The following RSPH1 variants were observed in gnomAD, a reference collection of about 807,000 sequenced individuals.
The protein encoded by RSPH1 is radial spoke head 1 homolog.
A neutral mutation model predicts 44.2 loss-of-function variants in RSPH1; 32 were observed. The observed-to-expected ratio is 0.72, with a 90% CI of 0.55 to 0.97. The LOEUF (loss-of-function observed/expected upper bound fraction) is 0.97. Ranked by LOEUF, RSPH1 falls within the 50% of genes least tolerant of loss-of-function variation. The probability of loss-of-function intolerance (pLI) is 0.00; values close to 1 mark genes in which losing one functional copy is unlikely to be tolerated. For missense variants in RSPH1, 391 were observed against 398.7 expected (o/e 0.98, Z 0.16); for synonymous variants, 134 against 147.3 (o/e 0.91, Z 0.65).
At chr21:42,496,102 T>C in intron 1 of RSPH1, 31 bp downstream of exon 1, 1 of 1,613,322 alleles carries the variant, frequency 6.2e-7, no homozygotes. Context: ...CTGCGCACCC[T>C]GGGAAGCCCT....
At chr21:42,493,211 C>T in intron 1 of RSPH1, 132 bp from the exon 2 acceptor site, 1 of 759,692 alleles carries the variant, frequency 1.3e-6, no homozygotes, top group African/African-American at 1.7e-5. Flanking sequence ...TCAATTGTCC[C>T]ACCTTTCCCA....
intron 3 of RSPH1, among the ~76,000 whole-genome samples, chr21:42,488,351 C>A (rs139970124): frequency 6.6e-6 from 1 of 152,056 alleles, no homozygotes; most frequent in Admixed American, 6.5e-5. Flanking sequence ...ATACTCACAC[C>A]GCGGCCAATT....
rs2054025676 is a variant in RSPH1 at position 42,474,717 on chromosome 21, C to T, written c.877+1181G>A. Among the ~76,000 whole-genome samples, 1 of 149,458 alleles carries T rather than the reference C, an allele frequency of 6.7e-6. No homozygotes were observed. The highest frequency in any genetic ancestry group is 2.6e-5 in the African/African-American group (1 of 38,908). The stretch of plus-strand genomic sequence containing the variant: ...CTCACTTGTAAAGCCAGGTTTCCAC[C>T]TGACCCCACGTCCCACCTCAGCACT... On this transcript the variant is annotated intron_variant, in intron 8 of 8. Coordinates refer to ENST00000291536, the MANE Select transcript of RSPH1 (RefSeq NM_080860.4). This position sits in a 1 kb window ranked among gnomAD's most constrained non-coding sequence, Gnocchi z 5.2.
Position 42,474,767 on chromosome 21 carries a change from C to A in RSPH1, c.877+1131G>T, listed in dbSNP as rs1005394258. ...TGCGTCACTGGGTGCATTGCTACAG[C>A]GCTCAGGGGAATTACCGATCACGAA... is the stretch of plus-strand genomic sequence containing the variant. On this transcript the variant is annotated intron_variant, in intron 8 of 8. Transcript: ENST00000291536. The surrounding 1 kb of genome is among the most constrained non-coding windows in gnomAD (Gnocchi z 5.2). Among the ~76,000 whole-genome samples, 1 of 148,086 alleles carries A rather than the reference C, an allele frequency of 6.8e-6. No homozygotes were observed. Among genetic ancestry groups the A allele is most frequent in the Admixed American group, 6.7e-5 (1 of 15,020 alleles).
chr21:42,472,611 G>C lies in RSPH1; in HGVS notation c.*207C>G. On this transcript the variant is annotated 3_prime_UTR_variant, in exon 9 of 9. Coordinates refer to ENST00000291536, the MANE Select transcript of RSPH1 (RefSeq NM_080860.4). ...TAACTGACAGAAGCATTTTGTTTTT[G>C]TTTATTTTTTGAGACAGGGTCTCGC... The C allele has an allele frequency of 2.4e-6, 1 of 419,090 alleles. No individual in the cohort carries two copies. The highest frequency in any genetic ancestry group is 5.5e-5 in the South Asian group (1 of 18,248). 26.0% of individuals were successfully genotyped at this position (419,090 alleles called of 1,614,324 possible). A position where few individuals can be genotyped will look rare whatever the true frequency, so the allele number is the denominator to read the frequency against.
intron 6 of RSPH1, 95 bp downstream of exon 6, chr21:42,482,542 T>G: frequency 1.2e-6 from 1 of 859,314 alleles, no homozygotes; most frequent in South Asian, 1.6e-5. Context: ...TTGGCATAAC[T>G]TTTAGGCGAA....
intron 1 of RSPH1, among the ~76,000 whole-genome samples, chr21:42,493,502 T>C (rs1172858891): frequency 6.6e-6 from 1 of 152,190 alleles, no homozygotes; most frequent in Non-Finnish European, 1.5e-5. Context: ...CCTTCAGTAA[T>C]CCAGGATTTC....
At chr21:42,496,052 C>G in intron 1 of RSPH1, 81 bp downstream of exon 1, 1 of 1,518,258 alleles carries the variant, frequency 6.6e-7, no homozygotes, top group Non-Finnish European at 9.1e-7. Flanking sequence ...GTTTCTGCGC[C>G]TCCTCACTCT....
In RSPH1 at chr21:42,477,425, T is replaced by A. The variant is rs1177354773; in HGVS notation, c.593A>T (p.Glu198Val). ...LTDMERGEEE[E>V]EEELVTVVPK... The stretch of plus-strand genomic sequence containing the variant: ...AACAACAGTTACTAATTCTTCCTCC[T>A]CTTCCTCTTCTCCTCTTTCCTATTT... The change falls in exon 7 of 9, where the codon GAG becomes GTG. Residue 198 changes from glutamate (E) to valine (V), a missense_variant. Glu to Val is a moderately radical substitution (Grantham distance 121). Transcript: ENST00000291536. 6.2e-7 allele frequency: 1 copy of A among 1,614,068 alleles called. No individual in the cohort carries two copies. The highest frequency in any genetic ancestry group is 1.1e-5 in the South Asian group (1 of 91,080).
At chr21:42,486,545 C>T (rs1422836503) in intron 3 of RSPH1, 84 bp from the exon 4 acceptor site, 7 of 980,222 alleles carry the variant, frequency 7.1e-6, no homozygotes, top group Non-Finnish European at 1.2e-5. Flanking sequence ...TTAACCATGG[C>T]AAAGGCAGAT....
In RSPH1 at chr21:42,474,912, G is replaced by A. The variant is rs939057436; in HGVS notation, c.877+986C>T. ...TCAGGTATTATTTTCAAAGGAATGGGAAGTATATTCTTAATTTACAACAGA... is the reference window on the plus strand; with the variant it reads ...TCAGGTATTATTTTCAAAGGAATGGAAAGTATATTCTTAATTTACAACAGA... On this transcript the variant is annotated intron_variant, in intron 8 of 8. Coordinates refer to ENST00000291536, the MANE Select transcript of RSPH1 (RefSeq NM_080860.4). The surrounding 1 kb of genome is among the most constrained non-coding windows in gnomAD (Gnocchi z 5.2). Among the ~76,000 whole-genome samples the A allele has an allele frequency of 7.9e-5, 12 of 152,028 alleles. No homozygotes were observed. The highest frequency in any genetic ancestry group is 2.2e-4 in the African/African-American group (9 of 41,268).
intron 6 of RSPH1, 62 bp downstream of exon 6, chr21:42,482,575 A>G (rs1015524961): frequency 1.6e-6 from 2 of 1,214,520 alleles, no homozygotes; most frequent in African/African-American, 3.0e-5. Context: ...TTGCAGGATC[A>G]ATATTTTTGA....
chr21:42,477,492 G>C (rs777633040), intron 6 of RSPH1, 48 bp from the exon 7 acceptor site: 4 of 1,591,258 alleles, frequency 2.5e-6, no homozygotes, highest in South Asian at 1.1e-5. Flanking sequence ...GTGTCATCTT[G>C]GTCTGGAATA....
chr21:42,493,129 A>C, intron 1 of RSPH1, 50 bp from the exon 2 acceptor site: 1 of 1,446,610 alleles, frequency 6.9e-7, no homozygotes, highest in Non-Finnish European at 9.7e-7. Context: ...TTAAGCGCTA[A>C]CCAGGTGCTA....
chr21:42,482,807 G>C (rs901119630), intron 5 of RSPH1, 99 bp from the exon 6 acceptor site: 2 of 806,688 alleles, frequency 2.5e-6, no homozygotes, highest in Non-Finnish European at 4.1e-6. Context: ...TCACCAAATT[G>C]GGTAAAGTGT....
intron 1 of RSPH1, among the ~76,000 whole-genome samples, chr21:42,493,481 C>G (rs945365341): frequency 1.3e-5 from 2 of 152,154 alleles, no homozygotes; most frequent in Non-Finnish European, 2.9e-5. Flanking sequence ...CAAATACCTC[C>G]CCGTTTGCTT....
In RSPH1 at chr21:42,473,108, T is replaced by G. The variant is rs146589453; in HGVS notation, c.878-238A>C. On this transcript the variant is annotated intron_variant, in intron 8 of 8. Transcript: ENST00000291536. ...GTAAATGCTAAGACAAGACTATCCA[T>G]GTAACATCAGTAATTCTCTTATGCC... 6.1e-3 allele frequency among the ~76,000 whole-genome samples: 930 copies of G among 152,320 alleles called. 4 individuals are homozygous for G. The highest frequency in any genetic ancestry group is 9.8e-3 in the Non-Finnish European group (665 of 68,024).
chr21:42,493,700 T>C (rs2054258661), intron 1 of RSPH1, among the ~76,000 whole-genome samples: 1 of 152,166 alleles, frequency 6.6e-6, no homozygotes, highest in African/African-American at 2.4e-5. Flanking sequence ...GCAAGAGACT[T>C]AAGGTTCGAA....
intron 3 of RSPH1, among the ~76,000 whole-genome samples, chr21:42,487,970 G>C (rs969159026): frequency 1.3e-5 from 2 of 152,228 alleles, no homozygotes; most frequent in Non-Finnish European, 2.9e-5. Flanking sequence ...CCAGCCTGAG[G>C]ATGGAAGGTT....
Sources: gnomAD v4.1 joint callset for allele counts (sites outside exome capture counted in the v4.1 genomes callset) on GRCh38, gnomAD v4.1.1 for gene constraint, Gnocchi (gnomAD v3.1) non-coding constraint, MANE v1.5 for transcripts, NCBI Gene and HGNC (gene_info 2026-07-23, HGNC 2026-07-21) for gene names.